NTN1: variants seen among roughly 807,000 people sequenced by gnomAD.
NTN1 encodes netrin 1, also known as netrin-1.
A neutral mutation model predicts 54.2 loss-of-function variants in NTN1; 11 were observed. That is an observed-to-expected ratio of 0.20 (90% CI 0.13 to 0.34). The LOEUF (loss-of-function observed/expected upper bound fraction) is 0.34. Among genes scored for constraint, NTN1 ranks in the 10% least tolerant of loss-of-function variants. The pLI, the probability that NTN1 is intolerant of heterozygous loss-of-function variation, is 1.00. For missense variants in NTN1, 740 were observed against 893.1 expected (o/e 0.83, Z 2.18); for synonymous variants, 371 against 382.0 (o/e 0.97, Z 0.33).
chr17:9,115,230 C>T (rs963500143), intron 2 of NTN1, among the ~76,000 whole-genome samples: 3 of 152,216 alleles, frequency 2.0e-5, no homozygotes, highest in African/African-American at 7.2e-5. Flanking sequence ...CAGACAGCAC[C>T]TTAATACCGA....
At chr17:9,106,604 C>T (rs1012361795) in intron 2 of NTN1, among the ~76,000 whole-genome samples, 1 of 152,014 alleles carries the variant, frequency 6.6e-6, no homozygotes, top group Non-Finnish European at 1.5e-5. Context: ...ACCTCCGCTT[C>T]CTGGGTTCAA....
intron 2 of NTN1, among the ~76,000 whole-genome samples, chr17:9,083,295 C>T (rs758925470): frequency 6.6e-5 from 10 of 152,192 alleles, no homozygotes; most frequent in Non-Finnish European, 1.3e-4. Context: ...AGGGTTTCAC[C>T]ATGTTGGCCA....
At chr17:9,175,212 A>G (rs3785976) in intron 3 of NTN1, 39,008 of 152,002 alleles carry the variant, frequency 0.26, 5,343 homozygotes, top group East Asian at 0.43. Context: ...GAGTGGGAAA[A>G]GGCAGCTACT....
intron 6 of NTN1, among the ~76,000 whole-genome samples, chr17:9,235,679 CTG>C (rs1905960735): frequency 6.6e-6 from 1 of 151,950 alleles, no homozygotes. Context: ...TGCCTTCTTG[CTG>C]TGTCCTCACA....
chr17:9,218,899 G>A (rs913512515), intron 5 of NTN1, among the ~76,000 whole-genome samples: 6 of 147,534 alleles, frequency 4.1e-5, no homozygotes, highest in Admixed American at 4.1e-4. Flanking sequence ...TGCTGGTGTG[G>A]GATGATGGCT....
intron 2 of NTN1, among the ~76,000 whole-genome samples, chr17:9,129,349 G>A (rs1021600092): frequency 6.6e-6 from 1 of 152,234 alleles, no homozygotes; most frequent in Admixed American, 6.5e-5. Context: ...GAACAGCTGA[G>A]GGGAGGTGGT....
In NTN1 at chr17:9,021,521, G is replaced by C. The variant is rs983355596; in HGVS notation, c.-128G>C. The C allele has an allele frequency of 3.9e-5, 6 of 152,028 alleles. No individual in the cohort carries two copies. Among genetic ancestry groups the C allele is most frequent in the African/African-American group, 9.7e-5 (4 of 41,372 alleles). 9.4% of individuals were successfully genotyped at this position (152,028 alleles called of 1,614,324 possible). ...CCCCTCCGCCCCTCACTCCCAGCGC[G>C]AGTGGCGGCGGCGGCGGAGCCTTCG... On this transcript the variant is annotated 5_prime_UTR_variant, in exon 1 of 7. Transcript: ENST00000173229.
At chr17:9,054,620 A>G (rs1202993621) in intron 2 of NTN1, among the ~76,000 whole-genome samples, 1 of 152,238 alleles carries the variant, frequency 6.6e-6, no homozygotes, top group Non-Finnish European at 1.5e-5. Context: ...ATCATTCAGA[A>G]CAAGAGTGGG....
chr17:9,074,927 G>A (rs940148855), intron 2 of NTN1, among the ~76,000 whole-genome samples: 23 of 152,226 alleles, frequency 1.5e-4, no homozygotes, highest in African/African-American at 5.1e-4. Context: ...CTCACTCTGC[G>A]TTTCCCAACA....
intron 5 of NTN1, among the ~76,000 whole-genome samples, chr17:9,198,809 G>A (rs2091432471): frequency 6.6e-6 from 1 of 152,178 alleles, no homozygotes; most frequent in African/African-American, 2.4e-5. Flanking sequence ...ACCTTTTGCT[G>A]GGAAGATCAC....
intron 5 of NTN1, among the ~76,000 whole-genome samples, chr17:9,204,205 T>C (rs538832392): frequency 1.3e-5 from 2 of 151,118 alleles, no homozygotes; most frequent in South Asian, 4.2e-4. Context: ...CCTTCCTTCC[T>C]TCCTTCCTTC....
chr17:9,056,197 C>T (rs1026202268), intron 2 of NTN1, among the ~76,000 whole-genome samples: 1 of 152,236 alleles, frequency 6.6e-6, no homozygotes, highest in South Asian at 2.1e-4. Flanking sequence ...GCTGGGATTA[C>T]AGGCATGTGC....
chr17:9,184,572 C>G (rs879181460), intron 5 of NTN1, among the ~76,000 whole-genome samples: 1 of 152,172 alleles, frequency 6.6e-6, no homozygotes, highest in Non-Finnish European at 1.5e-5. Flanking sequence ...CTGTGCACAC[C>G]GCGGGGGGCT....
intron 2 of NTN1, among the ~76,000 whole-genome samples, chr17:9,042,503 T>C (rs1390106346): frequency 4.7e-3 from 4 of 846 alleles, no homozygotes; most frequent in Non-Finnish European, 0.012. Flanking sequence ...AAAAAAAAAC[T>C]GTGAGGCTGG....
chr17:9,030,170 C>G (rs1021032303), intron 2 of NTN1, among the ~76,000 whole-genome samples: 7 of 152,216 alleles, frequency 4.6e-5, no homozygotes, highest in African/African-American at 1.7e-4. Flanking sequence ...AGACCCTTTT[C>G]TTTTTCTCCC....
At chr17:9,193,101 AG>A (rs59871373) in intron 5 of NTN1, among the ~76,000 whole-genome samples, 2,009 of 102,574 alleles carry the variant, frequency 0.02, 62 homozygotes, top group African/African-American at 0.057. Flanking sequence ...AAAAAGAAAA[AG>A]AAAAAAAAGC....
chr17:9,073,464 G>A (rs1318838263), intron 2 of NTN1, among the ~76,000 whole-genome samples: 3 of 152,188 alleles, frequency 2.0e-5, no homozygotes, highest in Non-Finnish European at 4.4e-5. Context: ...ATGGAAATCC[G>A]TCTTCAAAGC....
intron 3 of NTN1, among the ~76,000 whole-genome samples, chr17:9,172,110 A>C (rs919330785): frequency 3.3e-5 from 5 of 151,890 alleles, no homozygotes; most frequent in Non-Finnish European, 7.4e-5. Flanking sequence ...CTGGTCTCGA[A>C]CTCCCAACCT....
chr17:9,092,277 T>C (rs893986900), intron 2 of NTN1, among the ~76,000 whole-genome samples: 21 of 151,394 alleles, frequency 1.4e-4, no homozygotes, highest in African/African-American at 5.1e-4. Context: ...TAAGACTGAG[T>C]AATACTCCAT....
Sources: gnomAD v4.1 joint callset for allele counts (sites outside exome capture counted in the v4.1 genomes callset) on GRCh38, gnomAD v4.1.1 for gene constraint, MANE v1.5 for transcripts, NCBI Gene and HGNC (gene_info 2026-07-23, HGNC 2026-07-21) for gene names.